Variants in TRAK1 observed in about 807,000 individuals in gnomAD.
TRAK1 encodes trafficking kinesin protein 1, also known as trafficking kinesin-binding protein 1.
A neutral mutation model predicts 92.1 loss-of-function variants in TRAK1; 33 were observed. The observed-to-expected ratio is 0.36, with a 90% CI of 0.27 to 0.48. TRAK1 has a LOEUF of 0.48. TRAK1 is among the 20% of genes least tolerant of loss of function. The pLI is 0.99. For synonymous variants in TRAK1, 521 were observed against 517.3 expected, an observed-to-expected ratio of 1.01 and a Z score of -0.10; for missense variants, 1,123 against 1,257.9, an observed-to-expected ratio of 0.89 and a Z score of 1.62.
intron 1 of TRAK1, among the ~76,000 whole-genome samples, chr3:42,094,745 CAG>C (rs1452266117): frequency 1.3e-5 from 2 of 152,176 alleles, no homozygotes; most frequent in Admixed American, 6.5e-5. Flanking sequence ...TCTAGAGAAA[CAG>C]AGCCAATAGG....
chr3:42,015,657 CT>C (rs1559698314), intron 1 of TRAK1, among the ~76,000 whole-genome samples: 1 of 152,116 alleles, frequency 6.6e-6, no homozygotes, highest in Non-Finnish European at 1.5e-5. Context: ...ATTTGGTAAG[CT>C]TTTTGAGCCC....
At chr3:42,172,309 ATC>A (rs1702668474) in intron 2 of TRAK1, among the ~76,000 whole-genome samples, 1 of 151,970 alleles carries the variant, frequency 6.6e-6, no homozygotes, top group Admixed American at 6.6e-5. Flanking sequence ...CTGACTTTCC[ATC>A]TCATGCCCAT....
intron 14 of TRAK1, chr3:42,218,017 C>T (rs551272450): frequency 6.7e-5 from 66 of 985,064 alleles, no homozygotes; most frequent in Non-Finnish European, 4.5e-5. Context: ...CTCCTGTGGC[C>T]GTGGTGCTGG....
chr3:42,128,542 A>C (rs1281261963), intron 2 of TRAK1, among the ~76,000 whole-genome samples: 2 of 152,194 alleles, frequency 1.3e-5, no homozygotes, highest in East Asian at 3.9e-4. Context: ...GCTACCCCTA[A>C]AGGGTCTGTA....
chr3:42,111,249 C>G (rs1025550426), intron 1 of TRAK1, among the ~76,000 whole-genome samples: 1 of 152,198 alleles, frequency 6.6e-6, no homozygotes, highest in African/African-American at 2.4e-5. Flanking sequence ...TGTCCTTATT[C>G]ATTCCTGGAC....
chr3:42,054,904 ATTTTTTTTTTT>A (rs1157067369), intron 1 of TRAK1, among the ~76,000 whole-genome samples: 22 of 37,106 alleles, frequency 5.9e-4, no homozygotes, highest in East Asian at 1.1e-3. Context: ...AGCAAACTAG[ATTTTTTTTTTT>A]TTTTTTTTTT....
upstream of TRAK1, among the ~76,000 whole-genome samples, chr3:42,085,210 C>G (rs1196162865): frequency 6.6e-6 from 1 of 152,146 alleles, no homozygotes; most frequent in African/African-American, 2.4e-5. Context: ...CTCTGTTGCC[C>G]AGGCTGGAGT....
chr3:42,060,381 T>A (rs949943937), intron 1 of TRAK1, among the ~76,000 whole-genome samples: 1 of 151,428 alleles, frequency 6.6e-6, no homozygotes, highest in South Asian at 2.1e-4. Context: ...TAAAGGGAGA[T>A]TCCAGGTAGA....
intron 13 of TRAK1, among the ~76,000 whole-genome samples, chr3:42,208,524 G>A (rs551288271): frequency 3.9e-5 from 6 of 152,264 alleles, no homozygotes; most frequent in South Asian, 4.1e-4. Flanking sequence ...CTGAGCTGCC[G>A]ACTCCTGGCA....
chr3:42,220,668 A>G (rs1402234340), intron 15 of TRAK1: 2 of 917,402 alleles, frequency 2.2e-6, no homozygotes, highest in African/African-American at 3.6e-5. Flanking sequence ...GGCCGCCACT[A>G]ACCCGGGGAC....
intron 15 of TRAK1, 115 bp downstream of exon 15, chr3:42,219,711 T>A: frequency 8.8e-7 from 1 of 1,139,954 alleles, no homozygotes; most frequent in Non-Finnish European, 1.3e-6. Context: ...AAAAACCAAC[T>A]GAAGCCAGTG....
intron 1 of TRAK1, among the ~76,000 whole-genome samples, chr3:42,028,804 G>C (rs193277108): frequency 1.3e-5 from 2 of 152,334 alleles, no homozygotes; most frequent in Admixed American, 1.3e-4. Flanking sequence ...GGAACTACTG[G>C]AGGATTCTGA....
chr3:42,177,942 G>A (rs1703434035), intron 3 of TRAK1, among the ~76,000 whole-genome samples: 1 of 152,118 alleles, frequency 6.6e-6, no homozygotes, highest in Non-Finnish European at 1.5e-5. Context: ...GTATTTTGGG[G>A]GACCGACCTT....
intron 1 of TRAK1, among the ~76,000 whole-genome samples, chr3:42,113,350 TC>T (rs1559784262): frequency 6.8e-6 from 1 of 147,430 alleles, no homozygotes; most frequent in African/African-American, 2.5e-5. Flanking sequence ...CTACTCCTAC[TC>T]CTACGCCTAC....
At chr3:42,166,648 T>C (rs893693535) in intron 2 of TRAK1, among the ~76,000 whole-genome samples, 1 of 152,248 alleles carries the variant, frequency 6.6e-6, no homozygotes, top group Admixed American at 6.5e-5. Flanking sequence ...AGTAGTATAC[T>C]CATTTCATTT....
intron 6 of TRAK1, among the ~76,000 whole-genome samples, chr3:42,189,568 T>C (rs1490202572): frequency 6.6e-6 from 1 of 152,180 alleles, no homozygotes; most frequent in African/African-American, 2.4e-5. Context: ...AGTCTCGCTA[T>C]GTCACCCAGG....
chr3:42,202,852 C>A lies in TRAK1; in HGVS notation c.1744+100C>A. On this transcript the variant is annotated intron_variant, in intron 13 of 15. Transcript: ENST00000327628. The surrounding 1 kb of genome is among the most constrained non-coding windows in gnomAD (Gnocchi z 6.1). ...GCGGGGCACCTCTGTCACGCCTACT[C>A]CTTTTTCTTCCGCGACAGCCACCCG... 6.6e-7 allele frequency: 1 copy of A among 1,523,922 alleles called. No homozygotes were observed. Among genetic ancestry groups the A allele is most frequent in the Non-Finnish European group, 8.8e-7 (1 of 1,133,648 alleles). The allele number at this position is 1,523,922 out of a possible 1,614,324, so 94.4% of individuals were successfully genotyped here.
chr3:42,018,593 G>A (rs1051444182), intron 1 of TRAK1, among the ~76,000 whole-genome samples: 1 of 152,106 alleles, frequency 6.6e-6, no homozygotes, highest in Non-Finnish European at 1.5e-5. Flanking sequence ...TAAGAAGTAG[G>A]AGAAAATAAC....
chr3:42,034,777 T>G (rs1171559595), intron 1 of TRAK1, among the ~76,000 whole-genome samples: 1 of 152,144 alleles, frequency 6.6e-6, no homozygotes, highest in African/African-American at 2.4e-5. Flanking sequence ...AGGGCTGTTC[T>G]TCTGGTCTGC....
Sources: allele counts gnomAD v4.1 joint callset (sites outside exome capture counted in the v4.1 genomes callset), GRCh38; gene constraint gnomAD v4.1.1; non-coding constraint Gnocchi (gnomAD v3.1); transcripts MANE v1.5; gene names NCBI Gene and HGNC (gene_info 2026-07-23, HGNC 2026-07-21).